The following RBFOX1 variants were observed in gnomAD, a reference collection of about 807,000 sequenced individuals.
RBFOX1 encodes the protein RNA binding fox-1 homolog 1.
In RBFOX1, 8 loss-of-function variants were observed where a neutral mutation model predicts 57.7. The observed-to-expected ratio is 0.14, with a 90% CI of 0.08 to 0.25. RBFOX1 has a LOEUF of 0.25. Among genes scored for constraint, RBFOX1 ranks in the 10% least tolerant of loss-of-function variants. The pLI is 1.00. For synonymous variants in RBFOX1, 326 were observed against 222.4 expected (o/e 1.47, Z -4.15); for missense variants, 611 against 548.5 (o/e 1.11, Z -1.14).
At chr16:5,650,128 G>C (rs999399824) in intron 3 of RBFOX1, among the ~76,000 whole-genome samples, 14 of 152,138 alleles carry the variant, frequency 9.2e-5, no homozygotes, top group African/African-American at 2.7e-4. Context: ...CTGTGGTTTC[G>C]ACAGGGACTC....
chr16:6,939,052 A>C (rs568166913), intron 3 of RBFOX1, among the ~76,000 whole-genome samples: 47 of 152,292 alleles, frequency 3.1e-4, no homozygotes, highest in South Asian at 1.9e-3. Flanking sequence ...CTGGAATATC[A>C]ATGCTACCAT....
At chr16:5,997,518 A>G (rs1042534571) in intron 4 of RBFOX1, among the ~76,000 whole-genome samples, 1 of 152,220 alleles carries the variant, frequency 6.6e-6, no homozygotes, top group African/African-American at 2.4e-5. Context: ...ACACACCTGT[A>G]CTTTATCTGA....
At chr16:6,439,024 G>A (rs1434928685) in intron 2 of RBFOX1, among the ~76,000 whole-genome samples, 1 of 152,172 alleles carries the variant, frequency 6.6e-6, no homozygotes, top group African/African-American at 2.4e-5. Flanking sequence ...TTCTGTGGGT[G>A]TGAGAGATGT....
At chr16:6,022,633 A>G (rs1190847296) in intron 1 of RBFOX1, among the ~76,000 whole-genome samples, 2 of 152,200 alleles carry the variant, frequency 1.3e-5, no homozygotes, top group Non-Finnish European at 2.9e-5. Context: ...CAGTGAGCCG[A>G]TATCACGCCA....
At chr16:7,236,914 A>G (rs1015312141) in intron 4 of RBFOX1, among the ~76,000 whole-genome samples, 4 of 152,146 alleles carry the variant, frequency 2.6e-5, no homozygotes, top group Non-Finnish European at 5.9e-5. Flanking sequence ...TTCTAGCAAC[A>G]TTACTATAAA....
At chr16:6,461,313 C>A (rs1449313269) in intron 2 of RBFOX1, among the ~76,000 whole-genome samples, 2 of 152,110 alleles carry the variant, frequency 1.3e-5, no homozygotes, top group Non-Finnish European at 2.9e-5. Flanking sequence ...TTAGAGCCTA[C>A]CCTTATGGAT....
chr16:6,662,142 A>G (rs946137064), intron 3 of RBFOX1, among the ~76,000 whole-genome samples: 1 of 152,046 alleles, frequency 6.6e-6, no homozygotes, highest in African/African-American at 2.4e-5. Flanking sequence ...CGGGGTGAAA[A>G]AAAAGGGAGG....
intron 3 of RBFOX1, among the ~76,000 whole-genome samples, chr16:6,801,168 C>T (rs1411655420): frequency 2.1e-5 from 3 of 143,778 alleles, no homozygotes; most frequent in Non-Finnish European, 4.5e-5. Flanking sequence ...TTGGAACACA[C>T]TGTGAATGGC....
intron 2 of RBFOX1, among the ~76,000 whole-genome samples, chr16:6,617,211 C>T (rs536966952): frequency 3.0e-4 from 45 of 151,772 alleles, no homozygotes; most frequent in African/African-American, 1.1e-3. Context: ...TTCAGTGAAA[C>T]TTCTGCTTGG....
intron 3 of RBFOX1, among the ~76,000 whole-genome samples, chr16:6,926,822 C>G (rs1007739430): frequency 6.6e-6 from 1 of 152,098 alleles, no homozygotes; most frequent in Non-Finnish European, 1.5e-5. Context: ...CTTTCTGTCC[C>G]GTGCAGATAC....
intron 4 of RBFOX1, among the ~76,000 whole-genome samples, chr16:7,436,776 T>G (rs1049857503): frequency 2.6e-5 from 4 of 152,126 alleles, no homozygotes; most frequent in African/African-American, 9.7e-5. Flanking sequence ...TATTTTAAAA[T>G]CTCAGCCTGG....
intron 3 of RBFOX1, among the ~76,000 whole-genome samples, chr16:6,662,261 A>T (rs1481194879): frequency 1.3e-5 from 2 of 152,180 alleles, no homozygotes; most frequent in African/African-American, 2.4e-5. Context: ...GAAATGCGGT[A>T]AGAGAGTAGA....
intron 3 of RBFOX1, among the ~76,000 whole-genome samples, chr16:6,906,595 C>G (rs1468623297): frequency 2.0e-5 from 3 of 152,140 alleles, no homozygotes; most frequent in Non-Finnish European, 2.9e-5. Flanking sequence ...AGTAGTGTTT[C>G]CAGTAAATCC....
intron 7 of RBFOX1, among the ~76,000 whole-genome samples, chr16:7,589,673 G>A (rs1170104359): frequency 6.6e-6 from 1 of 151,712 alleles, no homozygotes; most frequent in Non-Finnish European, 1.5e-5. Context: ...GCTCACACAG[G>A]GATATTTTTC....
chr16:5,300,510 A>T (rs944793089), intron 1 of RBFOX1, among the ~76,000 whole-genome samples: 1 of 152,206 alleles, frequency 6.6e-6, no homozygotes, highest in Non-Finnish European at 1.5e-5. Context: ...ACCAGCTGAG[A>T]TAATAATAAT....
chr16:6,729,981 G>C (rs2068131891), intron 3 of RBFOX1, among the ~76,000 whole-genome samples: 1 of 151,974 alleles, frequency 6.6e-6, no homozygotes, highest in African/African-American at 2.4e-5. Context: ...GCCAACAAAT[G>C]ACTATACTTG....
intron 4 of RBFOX1, chr16:5,867,426 C>G: frequency 1.1e-6 from 1 of 875,338 alleles, no homozygotes; most frequent in Non-Finnish European, 1.5e-6. Context: ...AGCAATGATT[C>G]TTCCGTGTTT....
At chr16:5,787,341 TAGAC>T (rs1369721805) in intron 3 of RBFOX1, among the ~76,000 whole-genome samples, 2 of 152,152 alleles carry the variant, frequency 1.3e-5, no homozygotes, top group Non-Finnish European at 2.9e-5. Flanking sequence ...CACAGTGAAT[TAGAC>T]AGAAGACCAA....
intron 3 of RBFOX1, among the ~76,000 whole-genome samples, chr16:5,667,364 G>A (rs1261286856): frequency 2.6e-5 from 4 of 152,112 alleles, no homozygotes; most frequent in Non-Finnish European, 5.9e-5. Context: ...TGTCACGTTT[G>A]CTCTATGGCA....
Sources: allele counts gnomAD v4.1 joint callset (sites outside exome capture counted in the v4.1 genomes callset), GRCh38; gene constraint gnomAD v4.1.1; transcripts MANE v1.5; gene names NCBI Gene and HGNC (gene_info 2026-07-23, HGNC 2026-07-21).